Variants in PLD1 observed in about 807,000 individuals in gnomAD.
PLD1 encodes choline phosphatase 1.
PLD1 carries 112 observed loss-of-function variants against 137.1 expected under a neutral mutation model. That is an observed-to-expected ratio of 0.82 (90% CI 0.70 to 0.96). PLD1 has a LOEUF of 0.96. Among genes scored for constraint, PLD1 ranks in the 40% least tolerant of loss-of-function variants. The probability of loss-of-function intolerance (pLI) is 0.00; values close to 1 mark genes in which losing one functional copy is unlikely to be tolerated. For missense variants in PLD1, 1,321 were observed against 1,342.0 expected, an observed-to-expected ratio of 0.98 and a Z score of 0.24; for synonymous variants, 431 against 454.7, an observed-to-expected ratio of 0.95 and a Z score of 0.66.
At chr3:171,694,430 C>T (rs568444007) in intron 12 of PLD1, among the ~76,000 whole-genome samples, 1 of 152,066 alleles carries the variant, frequency 6.6e-6, no homozygotes, top group South Asian at 2.1e-4. Flanking sequence ...CCAGAGAGTG[C>T]TCTGTAATTA....
intron 6 of PLD1, among the ~76,000 whole-genome samples, chr3:171,726,383 T>C (rs1330210618): frequency 6.6e-6 from 1 of 152,192 alleles, no homozygotes; most frequent in African/African-American, 2.4e-5. Flanking sequence ...TTCATGTTTG[T>C]TTTTGTTGCA....
At chr3:171,790,411 C>A (rs1046367999) in intron 1 of PLD1, among the ~76,000 whole-genome samples, 2 of 152,202 alleles carry the variant, frequency 1.3e-5, no homozygotes, top group African/African-American at 4.8e-5. Context: ...GTTGTGAGGA[C>A]ACAGAGGAAG....
intron 23 of PLD1, among the ~76,000 whole-genome samples, chr3:171,629,836 T>C (rs1174049163): frequency 6.6e-6 from 1 of 152,220 alleles, no homozygotes; most frequent in African/African-American, 2.4e-5. Context: ...CTGGATCCCT[T>C]CTTTACACCT....
At chr3:171,610,133 G>C (rs1219626102) in intron 25 of PLD1, among the ~76,000 whole-genome samples, 1 of 152,050 alleles carries the variant, frequency 6.6e-6, no homozygotes, top group Non-Finnish European at 1.5e-5. Flanking sequence ...GATATAATAA[G>C]AGATCAAAGG....
intron 24 of PLD1, 80 bp downstream of exon 24, chr3:171,620,305 AG>A: frequency 1.0e-6 from 1 of 975,548 alleles, no homozygotes; most frequent in Non-Finnish European, 1.5e-6. Flanking sequence ...AAGGATGCTT[AG>A]GAGGAATAGC....
At position 171,612,162 on chromosome 3, in the gene PLD1, C is replaced by T. The variant is rs1258584424; in HGVS notation, c.2882+117G>A. The T allele has an allele frequency of 1.3e-5, 11 of 830,706 alleles. No individual in the cohort carries two copies. The highest frequency in any genetic ancestry group is 1.9e-5 in the Non-Finnish European group (10 of 515,036). 51.5% of individuals were successfully genotyped at this position (830,706 alleles called of 1,614,324 possible). ...GGTACATATCCTATATTCTGGGACA[C>T]ACTGTTTTAGATGAAGAAGAACCTA... On this transcript the variant is annotated intron_variant, in intron 25 of 26. Transcript: ENST00000351298. The surrounding 1 kb of genome is among the most constrained non-coding windows in gnomAD (Gnocchi z 4.1).
At position 171,670,719 on chromosome 3, in the gene PLD1, T is replaced by C. The variant is rs1823923; in HGVS notation, c.2229+3781A>G. On this transcript the variant is annotated intron_variant, in intron 19 of 26. Coordinates refer to ENST00000351298, the MANE Select transcript of PLD1 (RefSeq NM_002662.5). The stretch of plus-strand genomic sequence containing the variant: ...TCACTGCCATGTGGCTAAATGTACC[T>C]ATGATGTTTTAATTTACTTAGATAT... 8.2e-4 allele frequency among the ~76,000 whole-genome samples: 125 copies of C among 152,350 alleles called. 2 individuals carry two copies. The East Asian group carries it at 0.017, about 20-fold the overall frequency.
intron 23 of PLD1, among the ~76,000 whole-genome samples, chr3:171,626,017 G>A (rs901265884): frequency 6.6e-6 from 1 of 152,218 alleles, no homozygotes; most frequent in African/African-American, 2.4e-5. Flanking sequence ...ACTTTGACGA[G>A]TTGAGAGAAG....
chr3:171,604,104 C>T (rs1332960158), intron 26 of PLD1, among the ~76,000 whole-genome samples: 1 of 151,794 alleles, frequency 6.6e-6, no homozygotes, highest in Non-Finnish European at 1.5e-5. Context: ...TTTGAGAGGC[C>T]AAGGCAGGCG....
chr3:171,764,589 C>T (rs1300852398), intron 1 of PLD1, among the ~76,000 whole-genome samples: 1 of 151,812 alleles, frequency 6.6e-6, no homozygotes, highest in Non-Finnish European at 1.5e-5. Flanking sequence ...TTAGACACTC[C>T]AGAGGCCAAA....
At chr3:171,802,906 C>T (rs1342406750) in intron 1 of PLD1, among the ~76,000 whole-genome samples, 2 of 152,164 alleles carry the variant, frequency 1.3e-5, no homozygotes, top group African/African-American at 2.4e-5. Flanking sequence ...ACACAGGTGC[C>T]AGGGCTGGAG....
intron 1 of PLD1, chr3:171,793,291 T>C (rs1430428256): frequency 6.6e-6 from 1 of 152,190 alleles, no homozygotes; most frequent in Non-Finnish European, 1.5e-5. Flanking sequence ...AGCAATTTTG[T>C]GAGTCAGTTG....
intron 21 of PLD1, among the ~76,000 whole-genome samples, chr3:171,654,970 T>A (rs1306711375): frequency 6.6e-6 from 1 of 152,010 alleles, no homozygotes; most frequent in African/African-American, 2.4e-5. Context: ...AGAAATTGCT[T>A]AGGGGAATTG....
intron 8 of PLD1, among the ~76,000 whole-genome samples, chr3:171,720,399 A>G (rs956785555): frequency 2.6e-5 from 4 of 151,756 alleles, no homozygotes; most frequent in Admixed American, 6.6e-5. Context: ...TTGAGACCAC[A>G]GTGAAACCCC....
At chr3:171,622,366 A>T (rs1412912602) in intron 23 of PLD1, among the ~76,000 whole-genome samples, 1 of 152,208 alleles carries the variant, frequency 6.6e-6, no homozygotes, top group African/African-American at 2.4e-5. Flanking sequence ...TTTCTGAATG[A>T]CACTGCCATA....
chr3:171,737,868 C>T (rs1325307812), intron 2 of PLD1, 24 bp downstream of exon 2: 2 of 1,605,560 alleles, frequency 1.2e-6, no homozygotes, highest in Admixed American at 1.7e-5. Flanking sequence ...TCTTTTCTTC[C>T]CCGCTCAGAT....
rs1731951502 is a variant in PLD1 at position 171,603,189 on chromosome 3, CTTCAG to C, written c.3109_3113del (p.Leu1037GlufsTer16). 6.2e-7 allele frequency: 1 copy of C among 1,613,974 alleles called. No individual in the cohort carries two copies. Among genetic ancestry groups the C allele is most frequent in the African/African-American group, 1.3e-5 (1 of 74,934 alleles). On this transcript the variant is annotated frameshift_variant, in exon 27 of 27. Transcript: ENST00000351298. LOFTEE classifies it high-confidence loss of function. ...ATTGCACCAAAAATCCACGGATCTT[CTTCAG>C]TTCCTCCTCAGCTCGAATGGGATCT...
intron 1 of PLD1, among the ~76,000 whole-genome samples, chr3:171,799,065 G>A (rs1464916481): frequency 6.6e-6 from 1 of 152,216 alleles, no homozygotes; most frequent in African/African-American, 2.4e-5. Flanking sequence ...CTCAGGCCAG[G>A]CGCGGTGGCT....
intron 21 of PLD1, among the ~76,000 whole-genome samples, chr3:171,657,736 G>C (rs1221870525): frequency 2.0e-5 from 3 of 152,098 alleles, no homozygotes; most frequent in Non-Finnish European, 4.4e-5. Flanking sequence ...ATCAGGCAGT[G>C]ATTTCTTAGA....
Sources: allele counts gnomAD v4.1 joint callset (sites outside exome capture counted in the v4.1 genomes callset), GRCh38; gene constraint gnomAD v4.1.1; non-coding constraint Gnocchi (gnomAD v3.1); transcripts MANE v1.5; gene names NCBI Gene and HGNC (gene_info 2026-07-23, HGNC 2026-07-21).